Variants in GGA2 observed in about 807,000 individuals in gnomAD.
GGA2 encodes golgi associated, gamma adaptin ear containing, ARF binding protein 2.
In GGA2, 48 loss-of-function variants were observed where a neutral mutation model predicts 79.5. The observed-to-expected ratio is 0.60, with a 90% CI of 0.48 to 0.77. GGA2 has a LOEUF of 0.77. Among genes scored for constraint, GGA2 ranks in the 30% least tolerant of loss-of-function variants. GGA2 has a pLI of 0.00. For missense variants in GGA2, 770 were observed against 774.0 expected, an observed-to-expected ratio of 0.99 and a Z score of 0.06; for synonymous variants, 317 against 302.0, an observed-to-expected ratio of 1.05 and a Z score of -0.51.
At chr16:23,503,387 A>C (rs1423966050) in intron 1 of GGA2, among the ~76,000 whole-genome samples, 1 of 152,186 alleles carries the variant, frequency 6.6e-6, no homozygotes, top group African/African-American at 2.4e-5. Flanking sequence ...TTATATATTA[A>C]AAATTGTATT....
chr16:23,520,941 A>G (rs367554710), intron 1 of GGA2, among the ~76,000 whole-genome samples: 1 of 151,882 alleles, frequency 6.6e-6, no homozygotes, highest in Non-Finnish European at 1.5e-5. Flanking sequence ...ATAGGTATGT[A>G]CCACCACACC....
chr16:23,512,897 G>A (rs529046984), upstream of GGA2, among the ~76,000 whole-genome samples: 9 of 151,896 alleles, frequency 5.9e-5, no homozygotes, highest in East Asian at 3.9e-4. Context: ...TAGAGACAGC[G>A]TTTCACCAGG....
At chr16:23,475,418 G>A (rs923415194) in intron 13 of GGA2, among the ~76,000 whole-genome samples, 5 of 151,454 alleles carry the variant, frequency 3.3e-5, no homozygotes, top group African/African-American at 1.2e-4. Flanking sequence ...TCAAACTCTT[G>A]ACCTCAGGTG....
rs1964636069 is a variant in GGA2, at chr16:23,480,689, C to G, written c.962G>C (p.Gly321Ala). The G allele has an allele frequency of 1.1e-5, 17 of 1,613,118 alleles. No homozygotes were observed. Among genetic ancestry groups the G allele is most frequent in the Non-Finnish European group, 1.4e-5 (16 of 1,179,148 alleles). The change falls in exon 10 of 17, where the codon GGA (glycine) becomes GCA (alanine). Residue 321 changes from glycine (G) to alanine (A), a missense_variant. By Grantham distance (60) the Gly-to-Ala change is moderately conservative. Transcript: ENST00000309859. ...TCCCAATGAGCTGGTCACTCTGTTT[C>G]CAAAGGTGACCCGGCCCTCCATCAC... ...KQVMEGRVTF[G>A]NRVTSSLGDI...
At chr16:23,495,645 A>T (rs758303693) in intron 2 of GGA2, 49 bp downstream of exon 2, 1 of 1,048,258 alleles carries the variant, frequency 9.5e-7, no homozygotes, top group Non-Finnish European at 1.5e-6. Context: ...GCCTACACTC[A>T]GTGTGGGGTG....
chr16:23,517,235 T>TGAA (rs1451460600), intron 2 of GGA2, among the ~76,000 whole-genome samples: 23 of 37,936 alleles, frequency 6.1e-4, no homozygotes, highest in South Asian at 2.2e-3. Flanking sequence ...TTTTTTCTTT[T>TGAA]TTTTTTTTTT....
chr16:23,479,032 T>G (rs4968008), intron 11 of GGA2, 121 bp from the exon 12 acceptor site: 560,770 of 738,410 alleles, frequency 0.76, 215,687 homozygotes, highest in Non-Finnish European at 0.81. Context: ...AGCAACTTAC[T>G]GAAGGTCATG....
At chr16:23,522,545 T>A (rs553824286), upstream of GGA2, 2 of 152,344 alleles carry the variant, frequency 1.3e-5, no homozygotes, top group Admixed American at 1.3e-4. Flanking sequence ...AGAGTTGGTT[T>A]CTATTGTTTG....
chr16:23,501,298 C>G (rs981971533), intron 1 of GGA2: 10 of 456,638 alleles, frequency 2.2e-5, no homozygotes, highest in Admixed American at 2.1e-4. Context: ...AAAAGATTGT[C>G]CTTGGAGCCA....
At chr16:23,511,038 T>TGTGTGTGTGTGTGTGTGC (rs1289850381), upstream of GGA2, among the ~76,000 whole-genome samples, 7 of 150,848 alleles carry the variant, frequency 4.6e-5, no homozygotes, top group African/African-American at 1.5e-4. Context: ...TGTGTGTGTG[T>TGTGTGTGTGTGTGTGTGC]GTGTGTGTGT....
chr16:23,478,465 G>T lies in GGA2; in HGVS notation c.1195C>A (p.Pro399Thr). The T allele has an allele frequency of 6.2e-7, 1 of 1,610,200 alleles. No homozygotes were observed. The highest frequency in any genetic ancestry group is 8.5e-7 in the Non-Finnish European group (1 of 1,177,314). Residue 399 changes from proline to threonine, a missense_variant, in exon 13 of 17, where the codon CCC (proline) becomes ACC (threonine). Transcript: ENST00000309859. ...GQNCCEEKRN[P>T]SSSTLPGGGV... ...CCGCCTGGCAGCGTGCTGGAGGAGG[G>T]ATTCCTCTTTTCCTCACAGCAATTC...
chr16:23,493,977 G>A (rs752012344), intron 3 of GGA2: 43 of 375,664 alleles, frequency 1.1e-4, no homozygotes, highest in Middle Eastern at 1.5e-3. Context: ...CCTGCCAACA[G>A]CTAGTGGGCC....
At chr16:23,517,255 A>G (rs1597001363) in intron 2 of GGA2, among the ~76,000 whole-genome samples, 2 of 3,844 alleles carry the variant, frequency 5.2e-4, no homozygotes, top group Non-Finnish European at 1.3e-3. Flanking sequence ...TTTGAGACGG[A>G]GTCTCGCTCT....
Position 23,488,602 on chromosome 16 carries a change from T to C in GGA2, c.579+4A>G, listed in dbSNP as rs758135142. On this transcript the variant is annotated splice_donor_region_variant and intron_variant, in intron 6 of 16. Transcript: ENST00000309859. ...TCAGACACCATGTAGGTCTGTTTCC[T>C]TACCTTGGACTTTTCTTCATCAGCA... 38 of 1,550,174 alleles carry C rather than the reference T, an allele frequency of 2.5e-5. No homozygotes were observed. The highest frequency in any genetic ancestry group is 3.0e-5 in the Non-Finnish European group (34 of 1,121,936).
chr16:23,473,328 G>GTTTTTT (rs1236646063), intron 14 of GGA2, among the ~76,000 whole-genome samples: 1 of 38,722 alleles, frequency 2.6e-5, no homozygotes, highest in African/African-American at 6.3e-5. Flanking sequence ...TACTTTTCTA[G>GTTTTTT]TCTTTTTTTT....
chr16:23,511,051 T>TGTGCGTGTGTGTGTGTG (rs1965051492), upstream of GGA2, among the ~76,000 whole-genome samples: 1 of 76,172 alleles, frequency 1.3e-5, no homozygotes, highest in Non-Finnish European at 2.8e-5. Flanking sequence ...GTGTGTGTGT[T>TGTGCGTGTGTGTGTGTG]AGAGACTGGG....
At chr16:23,472,945 A>T (rs1363910776) in intron 14 of GGA2, among the ~76,000 whole-genome samples, 3 of 147,358 alleles carry the variant, frequency 2.0e-5, no homozygotes, top group Non-Finnish European at 4.5e-5. Flanking sequence ...AGGCAAGAGA[A>T]TGGTGTGAAT....
At chr16:23,507,950 A>C (rs1018356895) in intron 1 of GGA2, among the ~76,000 whole-genome samples, 1 of 151,610 alleles carries the variant, frequency 6.6e-6, no homozygotes, top group Non-Finnish European at 1.5e-5. Flanking sequence ...ACACAGTGAG[A>C]CTCTGTTTCA....
Position 23,467,539 on chromosome 16 carries a change from C to G in GGA2, c.*51G>C. The stretch of plus-strand genomic sequence containing the variant: ...ACCGTGATTAGTCCTGACTAGACAG[C>G]AAAAGTAACGCCAGCCTAAGCTTGA... On this transcript the variant is annotated 3_prime_UTR_variant, in exon 17 of 17. Coordinates refer to ENST00000309859, the MANE Select transcript of GGA2 (RefSeq NM_015044.4). The G allele has an allele frequency of 1.1e-6, 1 of 928,122 alleles. No homozygotes were observed. The highest frequency in any genetic ancestry group is 1.8e-6 in the Non-Finnish European group (1 of 566,628). 57.5% of individuals were successfully genotyped at this position (928,122 alleles called of 1,614,324 possible).
Sources: allele counts gnomAD v4.1 joint callset (sites outside exome capture counted in the v4.1 genomes callset), GRCh38; gene constraint gnomAD v4.1.1; transcripts MANE v1.5; gene names NCBI Gene and HGNC (gene_info 2026-07-23, HGNC 2026-07-21).